VWC2L: variants seen among roughly 807,000 people sequenced by gnomAD.
The protein encoded by VWC2L is von Willebrand factor C domain containing 2 like, also known as von Willebrand factor C domain-containing protein 2-like.
A neutral mutation model predicts 21.6 loss-of-function variants in VWC2L; 10 were observed. The observed-to-expected ratio is 0.46, with a 90% CI of 0.29 to 0.78. The LOEUF is 0.78. VWC2L is among the 30% of genes least tolerant of loss of function. The pLI, the probability that VWC2L is intolerant of heterozygous loss-of-function variation, is 0.10. For synonymous variants in VWC2L, 96 were observed against 94.3 expected (o/e 1.02, Z -0.10); for missense variants, 209 against 277.1 (o/e 0.75, Z 1.74).
At position 214,575,655 on chromosome 2, in the gene VWC2L, G is replaced by C; in HGVS notation, c.521-17G>C. The C allele has an allele frequency of 6.2e-7, 1 of 1,612,162 alleles. No individual in the cohort carries two copies. Among genetic ancestry groups the C allele is most frequent in the Non-Finnish European group, 8.5e-7 (1 of 1,178,638 alleles). On this transcript the variant is annotated splice_polypyrimidine_tract_variant and intron_variant, in intron 3 of 3. Coordinates refer to ENST00000312504, the MANE Select transcript of VWC2L (RefSeq NM_001080500.4). Reference sequence around the variant, plus strand: ...TCTCAGATTTAATCAACTAATCAATGTATCTGTGTGTTTCAGGTCCAAACT... The same window carrying C: ...TCTCAGATTTAATCAACTAATCAATCTATCTGTGTGTTTCAGGTCCAAACT...
chr2:214,558,400 T>C (rs1241546351), intron 3 of VWC2L, among the ~76,000 whole-genome samples: 1 of 152,194 alleles, frequency 6.6e-6, no homozygotes. Context: ...GCTTAGATGA[T>C]TCATGTGTAT....
At chr2:214,428,799 G>A (rs1702560312) in intron 2 of VWC2L, among the ~76,000 whole-genome samples, 1 of 128,514 alleles carries the variant, frequency 7.8e-6, no homozygotes. Flanking sequence ...GAAAATCTTT[G>A]CACACAGACA....
At chr2:214,513,691 G>A (rs754956042) in intron 3 of VWC2L, among the ~76,000 whole-genome samples, 1 of 152,080 alleles carries the variant, frequency 6.6e-6, no homozygotes, top group Non-Finnish European at 1.5e-5. Flanking sequence ...GCTACAGATG[G>A]TTCTATCGAG....
At position 214,480,864 on chromosome 2, in the gene VWC2L, C is replaced by CAAAAAAAAAAAAAAAAAA. The variant is rs59720596; in HGVS notation, c.520+44113_520+44130dup. On this transcript the variant is annotated intron_variant, in intron 3 of 3. Transcript: ENST00000312504. ...TTATTCAGAGGTCCATATGCCAAGCCAAAAAAAAAAAAAAAAAAAAAAAAG... is the reference window on the plus strand; with the variant it reads ...TTATTCAGAGGTCCATATGCCAAGCCAAAAAAAAAAAAAAAAAAAAAAAAAAAAAAAAAAAAAAAAAAG... 5.0e-4 allele frequency among the ~76,000 whole-genome samples: 36 copies of CAAAAAAAAAAAAAAAAAA among 71,752 alleles called. 2 individuals carry two copies. Among genetic ancestry groups the CAAAAAAAAAAAAAAAAAA allele is most frequent in the African/African-American group, 1.9e-3 (35 of 18,420 alleles). The allele number at this position is 71,752 out of a possible 152,430, so 47.1% of individuals were successfully genotyped here.
intron 3 of VWC2L, among the ~76,000 whole-genome samples, chr2:214,456,076 T>C (rs1703050754): frequency 3.9e-5 from 6 of 152,174 alleles, no homozygotes; most frequent in Non-Finnish European, 8.8e-5. Context: ...TGCTGGGTCA[T>C]ATATTAGTAC....
rs55864016 is a variant in VWC2L, at chr2:214,563,546, C to CAAAAAAAAAAAAAA, written c.521-12104_521-12091dup. 2.1e-3 allele frequency among the ~76,000 whole-genome samples: 204 copies of CAAAAAAAAAAAAAA among 95,802 alleles called. 5 individuals carry two copies. The highest frequency in any genetic ancestry group is 2.5e-3 in the Non-Finnish European group (119 of 48,172). The allele number at this position is 95,802 out of a possible 152,430, so 62.8% of individuals were successfully genotyped here. A position where few individuals can be genotyped will look rare whatever the true frequency, so the allele number is the denominator to read the frequency against. On this transcript the variant is annotated intron_variant, in intron 3 of 3. Transcript: ENST00000312504. The stretch of plus-strand genomic sequence containing the variant: ...TGGGTGACACAGCAAGACTCCGTCT[C>CAAAAAAAAAAAAAA]AAAAAAAAAAAAAAAAAAAAAAAAA...
chr2:214,572,045 G>A (rs1304962061), intron 3 of VWC2L, among the ~76,000 whole-genome samples: 1 of 152,098 alleles, frequency 6.6e-6, no homozygotes, highest in African/African-American at 2.4e-5. Context: ...GCCTCCTAAA[G>A]TGCTGGGATT....
intron 3 of VWC2L, among the ~76,000 whole-genome samples, chr2:214,565,700 G>A (rs1237705947): frequency 6.6e-6 from 1 of 152,088 alleles, no homozygotes; most frequent in African/African-American, 2.4e-5. Context: ...TGTAACTCAG[G>A]TAATAACAAT....
chr2:214,567,782 G>C (rs1690091526), intron 3 of VWC2L, among the ~76,000 whole-genome samples: 1 of 152,058 alleles, frequency 6.6e-6, no homozygotes, highest in South Asian at 2.1e-4. Context: ...CTTATTAACT[G>C]TGTGACTCTG....
chr2:214,514,157 GT>G (rs5838439), intron 3 of VWC2L, among the ~76,000 whole-genome samples: 38,630 of 148,666 alleles, frequency 0.26, 5,292 homozygotes, highest in East Asian at 0.47. Context: ...CATATCAAAG[GT>G]TTTTTTTTTT....
intron 3 of VWC2L, among the ~76,000 whole-genome samples, chr2:214,562,789 G>A (rs934679580): frequency 6.6e-5 from 10 of 152,110 alleles, no homozygotes; most frequent in African/African-American, 9.7e-5. Context: ...GTCTGTTCAC[G>A]TCCTTTGCCC....
chr2:214,514,791 CA>C (rs1447531652), intron 3 of VWC2L, among the ~76,000 whole-genome samples: 1 of 152,092 alleles, frequency 6.6e-6, no homozygotes, highest in African/African-American at 2.4e-5. Flanking sequence ...TGTGTTATCC[CA>C]AAATTGGCAT....
chr2:214,474,032 C>A (rs945370139), intron 3 of VWC2L, among the ~76,000 whole-genome samples: 3 of 151,936 alleles, frequency 2.0e-5, no homozygotes, highest in African/African-American at 7.3e-5. Flanking sequence ...GATGTCATGG[C>A]AGTCTTACGA....
At chr2:214,501,821 C>T (rs1688896678) in intron 3 of VWC2L, among the ~76,000 whole-genome samples, 1 of 152,006 alleles carries the variant, frequency 6.6e-6, no homozygotes, top group Non-Finnish European at 1.5e-5. Context: ...CTTTGAGCCA[C>T]TATATAAGAC....
chr2:214,454,656 T>C (rs1703029205), intron 3 of VWC2L, among the ~76,000 whole-genome samples: 1 of 133,080 alleles, frequency 7.5e-6, no homozygotes, highest in African/African-American at 2.8e-5. Flanking sequence ...TAGGCTGGAG[T>C]GCAGTAGTGC....
chr2:214,570,600 C>A (rs1438278315), intron 3 of VWC2L, among the ~76,000 whole-genome samples: 1 of 151,966 alleles, frequency 6.6e-6, no homozygotes, highest in African/African-American at 2.4e-5. Context: ...CCAGCTCAAG[C>A]AATCCACCCA....
intron 2 of VWC2L, 145 bp downstream of exon 2, chr2:214,414,728 G>A (rs1279736862): frequency 1.1e-6 from 1 of 889,326 alleles, no homozygotes; most frequent in Non-Finnish European, 1.6e-6. Context: ...ACCATAAGTA[G>A]CACCATGGTC....
chr2:214,505,052 C>A (rs929093424), intron 3 of VWC2L, among the ~76,000 whole-genome samples: 2 of 152,030 alleles, frequency 1.3e-5, no homozygotes, highest in African/African-American at 2.4e-5. Context: ...CACCTCCATC[C>A]CCACGGACAT....
intron 3 of VWC2L, among the ~76,000 whole-genome samples, chr2:214,524,728 G>A (rs563281140): frequency 6.6e-6 from 1 of 152,016 alleles, no homozygotes; most frequent in African/African-American, 2.4e-5. Flanking sequence ...CAATGCCCCA[G>A]TTTTTTTCTC....
Sources: gnomAD v4.1 joint callset for allele counts (sites outside exome capture counted in the v4.1 genomes callset) on GRCh38, gnomAD v4.1.1 for gene constraint, MANE v1.5 for transcripts, NCBI Gene and HGNC (gene_info 2026-07-23, HGNC 2026-07-21) for gene names.